The following RCSD1 variants were observed in gnomAD, a reference collection of about 807,000 sequenced individuals.
RCSD1 encodes capZ-interacting protein.
RCSD1 carries 26 observed loss-of-function variants against 42.5 expected under a neutral mutation model. The observed-to-expected ratio is 0.61, with a 90% CI of 0.45 to 0.85. The LOEUF (loss-of-function observed/expected upper bound fraction) is 0.85. RCSD1 is among the 40% of genes least tolerant of loss of function. The pLI is 0.00. For synonymous variants in RCSD1, 220 were observed against 212.2 expected (o/e 1.04, Z -0.32); for missense variants, 571 against 528.3 (o/e 1.08, Z -0.79).
intron 1 of RCSD1, among the ~76,000 whole-genome samples, chr1:167,647,598 G>C (rs948568791): frequency 6.6e-6 from 1 of 152,050 alleles, no homozygotes; most frequent in Non-Finnish European, 1.5e-5. Context: ...AATAAAAGCA[G>C]TGCATGGTGG....
chr1:167,701,232 C>T (rs759027933), intron 6 of RCSD1, among the ~76,000 whole-genome samples: 1 of 151,402 alleles, frequency 6.6e-6, no homozygotes, highest in African/African-American at 2.4e-5. Flanking sequence ...AACTTTGACG[C>T]CACTTAACCC....
At chr1:167,630,787 C>T in intron 1 of RCSD1, 1 of 158,610 alleles carries the variant, frequency 6.3e-6, no homozygotes, top group East Asian at 1.3e-4. Flanking sequence ...AATGGGTAAA[C>T]GTGTCAGCAA....
rs1463271690 is a variant in RCSD1 at position 167,707,165 on chromosome 1, A to G, written c.*2469A>G. Reference sequence around the variant, plus strand: ...GGGATTAGGATTCTGTTTCAGCTGCATGTGGAACTAGGTAAGCTTCAGTGG... The same window carrying G: ...GGGATTAGGATTCTGTTTCAGCTGCGTGTGGAACTAGGTAAGCTTCAGTGG... On this transcript the variant is annotated 3_prime_UTR_variant, in exon 7 of 7. Transcript: ENST00000367854. Among the ~76,000 whole-genome samples the G allele has an allele frequency of 1.3e-5, 2 of 152,262 alleles. No homozygotes were observed. The highest frequency in any genetic ancestry group is 2.9e-5 in the Non-Finnish European group (2 of 68,048).
Position 167,694,146 on chromosome 1 carries a change from C to A in RCSD1, c.318C>A (p.Pro106=). Residue 106 remains proline, a synonymous_variant, in exon 5 of 7, where the codon CCC becomes CCA. Transcript: ENST00000367854. ...DPAALLPGAS[P]KSPGLKAMVS... Reference sequence around the variant, plus strand: ...CTGCTCTACTGCCTGGGGCCTCACCCAAGAGTCCTGGACTCAAGGCTATGG... The same window carrying A: ...CTGCTCTACTGCCTGGGGCCTCACCAAAGAGTCCTGGACTCAAGGCTATGG... 1.2e-6 allele frequency: 2 copies of A among 1,614,214 alleles called. No individual in the cohort carries two copies. The highest frequency in any genetic ancestry group is 1.7e-6 in the Non-Finnish European group (2 of 1,180,044).
intron 4 of RCSD1, among the ~76,000 whole-genome samples, chr1:167,693,853 C>T (rs536578626): frequency 2.0e-5 from 3 of 151,506 alleles, no homozygotes; most frequent in Admixed American, 6.6e-5. Flanking sequence ...GTTGGATCCT[C>T]GTCAGTGCTG....
chr1:167,645,060 G>A (rs1658101150), intron 1 of RCSD1, among the ~76,000 whole-genome samples: 1 of 152,012 alleles, frequency 6.6e-6, no homozygotes, highest in Admixed American at 6.6e-5. Context: ...CTCTATCCTT[G>A]GCCCTGATTA....
intron 4 of RCSD1, among the ~76,000 whole-genome samples, chr1:167,692,983 G>T (rs1432878597): frequency 6.6e-6 from 1 of 152,166 alleles, no homozygotes; most frequent in Admixed American, 6.5e-5. Flanking sequence ...TGGAAGTCAG[G>T]CCAAAAGGTT....
intron 1 of RCSD1, among the ~76,000 whole-genome samples, chr1:167,665,250 C>T (rs1658629414): frequency 6.6e-6 from 1 of 152,142 alleles, no homozygotes; most frequent in African/African-American, 2.4e-5. Flanking sequence ...TTTCACTTAA[C>T]ACAATGCTTT....
rs554109191 is a variant in RCSD1, at chr1:167,693,998, C to A, written c.271-101C>A. The A allele has an allele frequency of 2.4e-5, 26 of 1,090,200 alleles. No homozygotes were observed. The East Asian group carries it at 6.0e-4, about 25-fold the overall frequency. 67.5% of individuals were successfully genotyped at this position (1,090,200 alleles called of 1,614,324 possible). A position where few individuals can be genotyped will look rare whatever the true frequency, so the allele number is the denominator to read the frequency against. ...AGTAGCATGAAAAGCCTGGTGTTAC[C>A]TAGTCTCAACCAGGCCTGAGGCCAG... On this transcript the variant is annotated intron_variant, in intron 4 of 6. Coordinates refer to ENST00000367854, the MANE Select transcript of RCSD1 (RefSeq NM_052862.4).
At position 167,691,213 on chromosome 1, in the gene RCSD1, T is replaced by C. The variant is rs530734388; in HGVS notation, c.270+1093T>C. Among the ~76,000 whole-genome samples, 9 of 152,296 alleles carry C rather than the reference T, an allele frequency of 5.9e-5. No homozygotes were observed. In the South Asian group the frequency reaches 1.9e-3, roughly 32 times the overall value. ...AGCACTCTCCAACAAGTTGTGACAA[T>C]GAAAAATGTCTCTAGACATTGTCAA... On this transcript the variant is annotated intron_variant, in intron 4 of 6. Coordinates refer to ENST00000367854, the MANE Select transcript of RCSD1 (RefSeq NM_052862.4).
At position 167,708,388 on chromosome 1, in the gene RCSD1, A is replaced by T. The variant is rs557468572; in HGVS notation, c.*3692A>T. ...AATTAAATTTTGTTTGACCCCAACT[A>T]GTTCTAGTCAAGTTTTTGCTCGATG... On this transcript the variant is annotated 3_prime_UTR_variant, in exon 7 of 7. Coordinates refer to ENST00000367854, the MANE Select transcript of RCSD1 (RefSeq NM_052862.4). Among the ~76,000 whole-genome samples, 34 of 152,320 alleles carry T rather than the reference A, an allele frequency of 2.2e-4. No individual in the cohort carries two copies. The South Asian group carries it at 6.6e-3, about 30-fold the overall frequency.
chr1:167,704,784 C>A lies in RCSD1; in HGVS notation c.*88C>A. ...ACAGTTGTAGCAGCAGCAGACGAAG[C>A]CATTGCAGAGGCAGAATATGCTGAG... On this transcript the variant is annotated 3_prime_UTR_variant, in exon 7 of 7. Coordinates refer to ENST00000367854, the MANE Select transcript of RCSD1 (RefSeq NM_052862.4). 1 of 1,342,672 alleles carries A rather than the reference C, an allele frequency of 7.4e-7. No individual in the cohort carries two copies. The highest frequency in any genetic ancestry group is 2.3e-5 in the East Asian group (1 of 42,932). 83.2% of individuals were successfully genotyped at this position (1,342,672 alleles called of 1,614,324 possible).
At chr1:167,675,545 G>A (rs559466993) in intron 1 of RCSD1, among the ~76,000 whole-genome samples, 53 of 152,218 alleles carry the variant, frequency 3.5e-4, no homozygotes, top group Middle Eastern at 3.4e-3. Context: ...TTTGGGCGGG[G>A]ACACAGCCAA....
intron 6 of RCSD1, among the ~76,000 whole-genome samples, chr1:167,704,381 T>C (rs1391598363): frequency 2.0e-5 from 3 of 152,198 alleles, no homozygotes; most frequent in African/African-American, 7.2e-5. Flanking sequence ...ACTTCACCAC[T>C]TACTAGCTGT....
intron 1 of RCSD1, among the ~76,000 whole-genome samples, chr1:167,662,302 T>C (rs1658557049): frequency 6.6e-6 from 1 of 152,206 alleles, no homozygotes; most frequent in South Asian, 2.1e-4. Context: ...TTTCCCTAGC[T>C]GGGTAGCAGC....
chr1:167,674,092 C>T (rs778713551), intron 1 of RCSD1, among the ~76,000 whole-genome samples: 3 of 152,210 alleles, frequency 2.0e-5, no homozygotes, highest in East Asian at 1.9e-4. Context: ...ATCTTTACAT[C>T]CCCACATCTG....
intron 1 of RCSD1, among the ~76,000 whole-genome samples, chr1:167,641,219 C>G (rs1179837663): frequency 2.6e-5 from 4 of 152,158 alleles, no homozygotes; most frequent in Non-Finnish European, 5.9e-5. Context: ...TCACCCCCAA[C>G]TCATCTGGTC....
rs1322651128 is a variant in RCSD1, at chr1:167,706,455, G to A, written c.*1759G>A. Among the ~76,000 whole-genome samples the A allele has an allele frequency of 1.3e-5, 2 of 151,274 alleles. No homozygotes were observed. Among genetic ancestry groups the A allele is most frequent in the Non-Finnish European group, 2.9e-5 (2 of 68,038 alleles). On this transcript the variant is annotated 3_prime_UTR_variant, in exon 7 of 7. Coordinates refer to ENST00000367854, the MANE Select transcript of RCSD1 (RefSeq NM_052862.4). ...ACTTTGTGAATATGTGCATGATTGT[G>A]AATGTGTGATGAAAAGGGCCACTTT...
At chr1:167,690,875 C>A (rs1659359611) in intron 4 of RCSD1, among the ~76,000 whole-genome samples, 1 of 152,200 alleles carries the variant, frequency 6.6e-6, no homozygotes, top group Non-Finnish European at 1.5e-5. Context: ...TGTCCAACCT[C>A]TCCACCAGTA....
Sources: gnomAD v4.1 joint callset for allele counts (sites outside exome capture counted in the v4.1 genomes callset) on GRCh38, gnomAD v4.1.1 for gene constraint, MANE v1.5 for transcripts, NCBI Gene and HGNC (gene_info 2026-07-23, HGNC 2026-07-21) for gene names.